HPGDS: variants seen among roughly 807,000 people sequenced by gnomAD.
HPGDS encodes hematopoietic prostaglandin D synthase.
In HPGDS, 26 loss-of-function variants were observed where a neutral mutation model predicts 23.1. The ratio of observed to expected loss-of-function variants is 1.13; its 90% CI spans 0.83 to 1.56. The LOEUF is 1.56. HPGDS is among the 40% of genes most tolerant of loss of function. The pLI is 0.00. For synonymous variants in HPGDS, 95 were observed against 77.9 expected (o/e 1.22, Z -1.16); for missense variants, 268 against 236.4 (o/e 1.13, Z -0.88).
intron 2 of HPGDS, among the ~76,000 whole-genome samples, chr4:94,323,106 G>T (rs1756551386): frequency 6.6e-6 from 1 of 152,214 alleles, no homozygotes; most frequent in Admixed American, 6.5e-5. Flanking sequence ...GTTCTAGTTT[G>T]ATTGCACTGT....
rs116308801 is a variant in HPGDS, at chr4:94,327,838, T to C, written c.133+6659A>G. The stretch of plus-strand genomic sequence containing the variant: ...AATGCTGCAGCCCTCTGGGTTGTTG[T>C]GGGGGGATGTCAGAAGGGCTCCAGG... On this transcript the variant is annotated intron_variant, in intron 2 of 5. Coordinates refer to ENST00000295256, the MANE Select transcript of HPGDS (RefSeq NM_014485.3). Among the ~76,000 whole-genome samples the C allele has an allele frequency of 2.8e-3, 428 of 152,176 alleles. 2 individuals are homozygous for C. Among genetic ancestry groups the C allele is most frequent in the African/African-American group, 9.9e-3 (410 of 41,526 alleles).
At chr4:94,324,145 G>A (rs1487237069) in intron 2 of HPGDS, among the ~76,000 whole-genome samples, 3 of 152,180 alleles carry the variant, frequency 2.0e-5, no homozygotes, top group Non-Finnish European at 4.4e-5. Context: ...AGTCTGATGG[G>A]CTTCCCTTTG....
chr4:94,305,027 T>C (rs1415597829), intron 4 of HPGDS, among the ~76,000 whole-genome samples: 1 of 152,108 alleles, frequency 6.6e-6, no homozygotes, highest in Non-Finnish European at 1.5e-5. Flanking sequence ...TAATGATATG[T>C]AAAATACAGA....
In HPGDS at chr4:94,340,318, T is replaced by TTCTTTTC. The variant is rs1553926317; in HGVS notation, c.-10+2476_-10+2477insGAAAAGA. ...CTTTCTTTCTTTCTTTCTCTTTTTT[T>TTCTTTTC]TTTTTTTTTTTTTTTTTTTTTTTTT... is the stretch of plus-strand genomic sequence containing the variant. On this transcript the variant is annotated intron_variant, in intron 1 of 5. Coordinates refer to ENST00000295256, the MANE Select transcript of HPGDS (RefSeq NM_014485.3). 1.2e-3 allele frequency among the ~76,000 whole-genome samples: 16 copies of TTCTTTTC among 13,000 alleles called. 1 individual carries two copies. Among genetic ancestry groups the TTCTTTTC allele is most frequent in the South Asian group, 2.1e-3 (1 of 484 alleles). The allele number at this position is 13,000 out of a possible 152,430, so 8.5% of individuals were successfully genotyped here. A position where few individuals can be genotyped will look rare whatever the true frequency, so the allele number is the denominator to read the frequency against.
At chr4:94,307,820 A>G (rs184027717) in intron 4 of HPGDS, among the ~76,000 whole-genome samples, 3,738 of 152,246 alleles carry the variant, frequency 0.025, 105 homozygotes, top group African/African-American at 0.074. Flanking sequence ...AGTGAGAAAG[A>G]AAATATAAAA....
chr4:94,312,054 A>G (rs148650196), intron 3 of HPGDS, among the ~76,000 whole-genome samples: 3,736 of 152,122 alleles, frequency 0.025, 103 homozygotes, highest in African/African-American at 0.074. Flanking sequence ...TGTTGCCAGC[A>G]GTCTATCAAT....
chr4:94,329,488 G>A (rs1469780554), intron 2 of HPGDS, among the ~76,000 whole-genome samples: 2 of 152,164 alleles, frequency 1.3e-5, no homozygotes, highest in Non-Finnish European at 2.9e-5. Flanking sequence ...TCTTCACCTG[G>A]AGGAGATAAA....
intron 1 of HPGDS, among the ~76,000 whole-genome samples, chr4:94,340,361 C>T (rs1297645377): frequency 9.1e-5 from 3 of 33,022 alleles, no homozygotes; most frequent in East Asian, 1.9e-3. Flanking sequence ...TTTTTTGAGA[C>T]GGAGTCTCTC....
At chr4:94,302,104 C>T (rs1265036858) in intron 5 of HPGDS, 42 bp downstream of exon 5, 5 of 1,441,656 alleles carry the variant, frequency 3.5e-6, no homozygotes, top group Non-Finnish European at 4.9e-6. Flanking sequence ...TTGGTTTGTC[C>T]TTTTATTTGC....
intron 4 of HPGDS, among the ~76,000 whole-genome samples, chr4:94,305,882 C>G (rs1052991339): frequency 6.6e-6 from 1 of 152,008 alleles, no homozygotes; most frequent in African/African-American, 2.4e-5. Context: ...ATTCAGCTGT[C>G]TGGGCTCAGT....
At chr4:94,325,243 C>T (rs952685408) in intron 2 of HPGDS, among the ~76,000 whole-genome samples, 1 of 152,184 alleles carries the variant, frequency 6.6e-6, no homozygotes, top group Non-Finnish European at 1.5e-5. Context: ...GGTCAGGGAC[C>T]CAGTTGAGGA....
chr4:94,318,944 C>T (rs1374303374), intron 2 of HPGDS, among the ~76,000 whole-genome samples: 4 of 152,128 alleles, frequency 2.6e-5, no homozygotes, highest in African/African-American at 9.7e-5. Context: ...AATTCCTGAC[C>T]TCAAGTGATC....
chr4:94,342,372 C>T (rs1347316620), intron 1 of HPGDS, among the ~76,000 whole-genome samples: 3 of 152,002 alleles, frequency 2.0e-5, no homozygotes, highest in Admixed American at 6.6e-5. Flanking sequence ...TAAAATATTA[C>T]CAGTAAAAGT....
chr4:94,341,988 G>A, intron 1 of HPGDS, among the ~76,000 whole-genome samples: 1 of 152,120 alleles, frequency 6.6e-6, no homozygotes, highest in South Asian at 2.1e-4. Flanking sequence ...CAGTGTCCCT[G>A]GGCATTTCAA....
chr4:94,318,709 A>G (rs964178997), intron 2 of HPGDS, among the ~76,000 whole-genome samples: 1 of 152,060 alleles, frequency 6.6e-6, no homozygotes, highest in African/African-American at 2.4e-5. Context: ...TCTGTAGCTT[A>G]TGGATTAAAA....
At chr4:94,340,867 C>T (rs34379220) in intron 1 of HPGDS, among the ~76,000 whole-genome samples, 36,868 of 99,088 alleles carry the variant, frequency 0.37, 7,630 homozygotes, top group Middle Eastern at 0.47. Flanking sequence ...TTTTTTGAGA[C>T]GGAGTCTTGC....
chr4:94,331,118 A>T (rs923760581), intron 2 of HPGDS, among the ~76,000 whole-genome samples: 5 of 152,198 alleles, frequency 3.3e-5, no homozygotes, highest in African/African-American at 1.2e-4. Context: ...GGCTGCTGGG[A>T]TTGGCCAAGA....
At chr4:94,308,885 T>G (rs1756196203) in intron 3 of HPGDS, 142 bp from the exon 4 acceptor site, 1 of 478,694 alleles carries the variant, frequency 2.1e-6, no homozygotes, top group Admixed American at 3.8e-5. Flanking sequence ...ATCCACCACA[T>G]TTTGCTCCCT....
chr4:94,309,132 T>A (rs1019337481), intron 3 of HPGDS, among the ~76,000 whole-genome samples: 1 of 151,252 alleles, frequency 6.6e-6, no homozygotes, highest in Non-Finnish European at 1.5e-5. Context: ...TTTATTTTTT[T>A]AATTATACTT....
Sources: gnomAD v4.1 joint callset for allele counts (sites outside exome capture counted in the v4.1 genomes callset) on GRCh38, gnomAD v4.1.1 for gene constraint, MANE v1.5 for transcripts, NCBI Gene and HGNC (gene_info 2026-07-23, HGNC 2026-07-21) for gene names.